ARMC2: variants seen among roughly 807,000 people sequenced by gnomAD.
ARMC2 encodes armadillo repeat-containing protein 2.
Under a neutral mutation model 90.3 loss-of-function variants are expected in ARMC2, and 67 were observed. The ratio of observed to expected loss-of-function variants is 0.74; its 90% CI spans 0.61 to 0.91. The LOEUF (loss-of-function observed/expected upper bound fraction) is 0.91. ARMC2 is among the 40% of genes least tolerant of loss of function. ARMC2 has a pLI of 0.00. For missense variants in ARMC2, 920 were observed against 1,030.9 expected, an observed-to-expected ratio of 0.89 and a Z score of 1.47; for synonymous variants, 393 against 393.0, an observed-to-expected ratio of 1.00 and a Z score of 0.00.
At chr6:108,921,937 CAAG>C (rs1472458071) in intron 10 of ARMC2, among the ~76,000 whole-genome samples, 1 of 152,128 alleles carries the variant, frequency 6.6e-6, no homozygotes, top group Non-Finnish European at 1.5e-5. Context: ...GGCAATAGAC[CAAG>C]AAACTGAGGC....
At chr6:108,994,698 CTTTTTT>C in the ARMC2 span, 95 of 292,862 alleles carry the variant, frequency 3.2e-4, no homozygotes, top group South Asian at 3.6e-4. Context: ...GAATTTATAT[CTTTTTT>C]TTTTTTTTTT....
At chr6:109,041,078 T>A in the ARMC2 span, among the ~76,000 whole-genome samples, 2 of 151,238 alleles carry the variant, frequency 1.3e-5, no homozygotes, top group African/African-American at 2.4e-5. Flanking sequence ...AGGAAGGAGA[T>A]TAGCATGAGC....
At chr6:108,978,026 C>T (rs1779018860), downstream of ARMC2, among the ~76,000 whole-genome samples, 1 of 151,948 alleles carries the variant, frequency 6.6e-6, no homozygotes, top group Non-Finnish European at 1.5e-5. Flanking sequence ...TTAGTTATTT[C>T]TTGTCTTCTG....
the ARMC2 span, chr6:109,002,339 A>T: frequency 6.2e-7 from 1 of 1,613,058 alleles, no homozygotes; most frequent in East Asian, 2.2e-5. Flanking sequence ...TCTAATGCCA[A>T]GTTCCTAGAA....
chr6:109,018,180 G>T, the ARMC2 span, among the ~76,000 whole-genome samples: 1 of 152,158 alleles, frequency 6.6e-6, no homozygotes, highest in East Asian at 1.9e-4. Flanking sequence ...ATACTTTAGA[G>T]ATATTATAAA....
At chr6:108,916,151 G>C (rs763066610) in intron 10 of ARMC2, among the ~76,000 whole-genome samples, 13 of 152,162 alleles carry the variant, frequency 8.5e-5, no homozygotes, top group African/African-American at 1.2e-4. Flanking sequence ...TATACGTATG[G>C]CTGTATGTAT....
intron 11 of ARMC2, among the ~76,000 whole-genome samples, chr6:108,933,634 C>G (rs534885517): frequency 7.9e-5 from 12 of 152,286 alleles, no homozygotes; most frequent in African/African-American, 2.9e-4. Flanking sequence ...GACTTCCTCC[C>G]TTTCTGTTTG....
chr6:108,861,500 A>G lies in ARMC2; in HGVS notation c.291+3229A>G, dbSNP rs138852643. ...TCATTTAATGTATAGTCCATGTCCA[A>G]ATGACCCCAATTGCCTCAAAATGTA... is the stretch of plus-strand genomic sequence containing the variant. On this transcript the variant is annotated intron_variant, in intron 3 of 17. Transcript: ENST00000392644. Among the ~76,000 whole-genome samples the G allele has an allele frequency of 2.0e-5, 3 of 152,346 alleles. No individual in the cohort carries two copies. In the East Asian group the frequency reaches 5.8e-4, roughly 29 times the overall value.
chr6:109,013,329 C>G, the ARMC2 span, among the ~76,000 whole-genome samples: 1 of 151,958 alleles, frequency 6.6e-6, no homozygotes, highest in Non-Finnish European at 1.5e-5. Flanking sequence ...GGGCAGTCTT[C>G]GGAACAATGG....
At chr6:108,928,055 A>C in intron 10 of ARMC2, 33 bp from the exon 11 acceptor site, 1 of 1,521,548 alleles carries the variant, frequency 6.6e-7, no homozygotes, top group Non-Finnish European at 8.8e-7. Context: ...TTTTCAGTTC[A>C]AAAAAAATGG....
chr6:108,896,895 T>C (rs138520262), intron 6 of ARMC2, among the ~76,000 whole-genome samples: 4 of 150,996 alleles, frequency 2.6e-5, no homozygotes, highest in African/African-American at 7.4e-5. Context: ...TATGTATCAA[T>C]TAAATAACTC....
chr6:108,961,402 G>A (rs570276757), intron 13 of ARMC2, among the ~76,000 whole-genome samples, 170 bp from the exon 14 acceptor site: 15 of 152,310 alleles, frequency 9.8e-5, no homozygotes, highest in South Asian at 2.1e-4. Context: ...GGGCATTTCC[G>A]TGCAGGAGGA....
downstream of ARMC2, among the ~76,000 whole-genome samples, chr6:108,974,818 T>TA (rs1489959048): frequency 6.6e-6 from 1 of 152,118 alleles, no homozygotes; most frequent in African/African-American, 2.4e-5. Context: ...CTCACACCTG[T>TA]AATCCCAACA....
At chr6:108,903,617 TAGAA>T (rs1023851708) in intron 7 of ARMC2, among the ~76,000 whole-genome samples, 12 of 152,210 alleles carry the variant, frequency 7.9e-5, no homozygotes, top group South Asian at 2.1e-4. Flanking sequence ...GTGCTATTGA[TAGAA>T]AGAAATGTAA....
At chr6:109,042,679 T>G in the ARMC2 span, among the ~76,000 whole-genome samples, 1 of 152,042 alleles carries the variant, frequency 6.6e-6, no homozygotes, top group African/African-American at 2.4e-5. Context: ...ATCACCTGAA[T>G]AGCCCTATTG....
At chr6:108,911,997 T>A (rs949202365) in intron 9 of ARMC2, among the ~76,000 whole-genome samples, 5 of 152,166 alleles carry the variant, frequency 3.3e-5, no homozygotes, top group African/African-American at 1.2e-4. Flanking sequence ...CTCTTAGATG[T>A]GTTAAATTAT....
At chr6:108,866,146 C>T (rs545732579) in intron 3 of ARMC2, among the ~76,000 whole-genome samples, 11 of 152,038 alleles carry the variant, frequency 7.2e-5, no homozygotes, top group African/African-American at 2.7e-4. Context: ...TTCAGGGTAC[C>T]TGCAGAATAC....
intron 1 of ARMC2, among the ~76,000 whole-genome samples, chr6:108,852,497 T>C (rs1033671360): frequency 6.6e-6 from 1 of 152,236 alleles, no homozygotes; most frequent in East Asian, 1.9e-4. Flanking sequence ...TAAATTCCTA[T>C]ATGCCCCCAG....
intron 3 of ARMC2, among the ~76,000 whole-genome samples, chr6:108,860,551 A>T (rs9384690): frequency 0.033 from 4,957 of 151,560 alleles, 211 homozygotes; most frequent in East Asian, 0.2. Flanking sequence ...AGTCCCAGCT[A>T]CTCAGGAGAC....
Sources: gnomAD v4.1 joint callset for allele counts (sites outside exome capture counted in the v4.1 genomes callset) on GRCh38, gnomAD v4.1.1 for gene constraint, MANE v1.5 for transcripts, NCBI Gene and HGNC (gene_info 2026-07-23, HGNC 2026-07-21) for gene names.